Variants in PAPLN observed in about 807,000 individuals in gnomAD.
The protein encoded by PAPLN is papilin, proteoglycan like sulfated glycoprotein.
In PAPLN, 146 loss-of-function variants were observed where a neutral mutation model predicts 159.0. That is an observed-to-expected ratio of 0.92 (90% CI 0.80 to 1.05). The LOEUF (loss-of-function observed/expected upper bound fraction) is 1.05, where lower values mean the gene tolerates loss of function less well. PAPLN is among the 50% of genes least tolerant of loss of function. The pLI is 0.00. For synonymous variants in PAPLN, 734 were observed against 702.9 expected, an observed-to-expected ratio of 1.04 and a Z score of -0.70; for missense variants, 1,720 against 1,743.9, an observed-to-expected ratio of 0.99 and a Z score of 0.24.
At chr14:73,260,973 C>T (rs775601653) in intron 17 of PAPLN, 144 bp downstream of exon 17, 10 of 1,400,630 alleles carry the variant, frequency 7.1e-6, no homozygotes, top group Admixed American at 2.6e-5. Context: ...CTCTGGAGGG[C>T]ACCGGGCTTC....
chr14:73,272,719 AG>A lies in PAPLN; in HGVS notation c.*57del. On this transcript the variant is annotated 3_prime_UTR_variant, in exon 27 of 27. Transcript: ENST00000644200. Reference sequence around the variant, plus strand: ...AAATAGTTCATAGGGCTAGGGAGAAAGGAAGATGGACTCTTGGCTTCCTCTC... The same window carrying A: ...AAATAGTTCATAGGGCTAGGGAGAAAGAAGATGGACTCTTGGCTTCCTCTC... The A allele has an allele frequency of 7.0e-7, 1 of 1,424,188 alleles. No individual in the cohort carries two copies. Among genetic ancestry groups the A allele is most frequent in the Non-Finnish European group, 9.3e-7 (1 of 1,072,092 alleles). 88.2% of individuals were successfully genotyped at this position (1,424,188 alleles called of 1,614,324 possible). A position where few individuals can be genotyped will look rare whatever the true frequency, so the allele number is the denominator to read the frequency against.
At chr14:73,241,855 G>GTC (rs894434285) in intron 2 of PAPLN, among the ~76,000 whole-genome samples, 3 of 152,208 alleles carry the variant, frequency 2.0e-5, no homozygotes, top group African/African-American at 7.2e-5. Flanking sequence ...CATGTGTTCT[G>GTC]TCTCTCTCTT....
chr14:73,256,017 T>TG (rs1047276522), intron 14 of PAPLN, among the ~76,000 whole-genome samples: 2 of 151,486 alleles, frequency 1.3e-5, no homozygotes, highest in African/African-American at 4.9e-5. Context: ...AAGCAGAGGG[T>TG]GGAAGGGGTG....
chr14:73,250,170 G>T (rs977156290), intron 6 of PAPLN, 56 bp downstream of exon 6: 6 of 1,512,876 alleles, frequency 4.0e-6, no homozygotes, highest in Non-Finnish European at 4.4e-6. Context: ...CTCAGTGCGG[G>T]TGTTTCCCTG....
chr14:73,245,566 C>T lies in PAPLN; in HGVS notation c.171-70C>T. 4 of 1,503,888 alleles carry T rather than the reference C, an allele frequency of 2.7e-6. No individual in the cohort carries two copies. In the East Asian group the frequency reaches 9.9e-5, roughly 37 times the overall value. The allele number at this position is 1,503,888 out of a possible 1,614,324, so 93.2% of individuals were successfully genotyped here. A position where few individuals can be genotyped will look rare whatever the true frequency, so the allele number is the denominator to read the frequency against. On this transcript the variant is annotated intron_variant, in intron 3 of 26. Transcript: ENST00000644200. The surrounding 1 kb of genome is among the most constrained non-coding windows in gnomAD (Gnocchi z 4.2). ...AGAGTCCCGCAGAAGTTGGGGCCTG[C>T]AGAGAGCCCCAGAACGGGGGCAGGG...
chr14:73,244,822 G>A, intron 3 of PAPLN, 63 bp downstream of exon 3: 1 of 1,346,016 alleles, frequency 7.4e-7, no homozygotes, highest in Non-Finnish European at 1.0e-6. Context: ...CCTTCTGGGT[G>A]GTGGGCTAGG....
rs1313349237 is a variant in PAPLN, at chr14:73,259,411, C to T, written c.1851C>T (p.Tyr617=). The change falls in exon 16 of 27, where the codon TAC becomes TAT. Residue 617 remains tyrosine, a synonymous_variant. Transcript: ENST00000644200. ...GPAPSLQQPP[Y]QQPLRSGSGP... is the part of the protein sequence containing the mutation. The stretch of plus-strand genomic sequence containing the variant: ...CTCCCTCTCTGCAGCAGCCCCCATA[C>T]CAGCAACCCCTGCGGTCGGGCTCAG... The T allele has an allele frequency of 1.1e-5, 17 of 1,613,074 alleles. No homozygotes were observed. The highest frequency in any genetic ancestry group is 2.7e-5 in the African/African-American group (2 of 74,910).
chr14:73,251,711 A>G lies in PAPLN; in HGVS notation c.718A>G (p.Ile240Val), dbSNP rs1339508085. 2 of 1,613,330 alleles carry G rather than the reference A, an allele frequency of 1.2e-6. No individual in the cohort carries two copies. The highest frequency in any genetic ancestry group is 1.3e-5 in the African/African-American group (1 of 75,026). The change falls in exon 9 of 27, where the codon ATC becomes GTC. Residue 240 changes from isoleucine to valine, a missense_variant. Physicochemically the swap from Ile to Val is conservative, Grantham distance 29 (BLOSUM62 3). Transcript: ENST00000644200. Reference sequence around the variant, plus strand: ...ATACTACCTCAATGGGCACTGGACCATCGAGGCGGCCCGGGCCCTGCCAGC... The same window carrying G: ...ATACTACCTCAATGGGCACTGGACCGTCGAGGCGGCCCGGGCCCTGCCAGC... ...GEYYLNGHWTIEAARALPAAS... is the reference protein window; with the variant it reads ...GEYYLNGHWTVEAARALPAAS...
At position 73,251,814 on chromosome 14, in the gene PAPLN, C is replaced by A; in HGVS notation, c.821C>A (p.Thr274Asn). ...APERLHARGP[T>N]SEPLVIELIS... is the part of the protein sequence containing the mutation. ...GAGCGACTCCATGCCCGGGGCCCCA[C>A]CTCGGAGCCCCTGGTCATCGAGGTA... The change falls in exon 9 of 27, where the codon ACC (threonine) becomes AAC (asparagine). Residue 274 changes from threonine (T) to asparagine (N), a missense_variant. Physicochemically the swap from Thr to Asn is moderately conservative, Grantham distance 65 (BLOSUM62 0). Coordinates refer to ENST00000644200, the MANE Select transcript of PAPLN (RefSeq NM_001365906.3). 6.3e-7 allele frequency: 1 copy of A among 1,596,878 alleles called. No individual in the cohort carries two copies. The highest frequency in any genetic ancestry group is 1.1e-5 in the South Asian group (1 of 89,282).
At chr14:73,260,154 C>G (rs1208278051) in intron 16 of PAPLN, among the ~76,000 whole-genome samples, 2 of 152,204 alleles carry the variant, frequency 1.3e-5, no homozygotes, top group East Asian at 3.9e-4. Context: ...CTTAACCTCT[C>G]TGATTTTGGG....
intron 5 of PAPLN, among the ~76,000 whole-genome samples, chr14:73,248,106 T>TGTGTGC (rs139626596): frequency 0.024 from 1,922 of 78,490 alleles, 159 homozygotes; most frequent in South Asian, 0.056. Flanking sequence ...TGTGTGTGTG[T>TGTGTGC]GCGCGTGTGT....
intron 5 of PAPLN, among the ~76,000 whole-genome samples, chr14:73,247,735 C>CGT (rs141324043): frequency 0.11 from 7,950 of 71,368 alleles, 504 homozygotes; most frequent in Non-Finnish European, 0.16. Flanking sequence ...GTCCTCTGTG[C>CGT]GTGTGTGTGT....
chr14:73,258,447 G>C (rs914073576), intron 14 of PAPLN, among the ~76,000 whole-genome samples: 2 of 151,798 alleles, frequency 1.3e-5, no homozygotes, highest in Non-Finnish European at 2.9e-5. Context: ...ATCATAACAC[G>C]TGCACATTTT....
rs376998689 is a variant in PAPLN at position 73,252,069 on chromosome 14, C to A, written c.895C>A (p.Leu299Met). The A allele has an allele frequency of 2.2e-5, 36 of 1,611,960 alleles. No homozygotes were observed. Among genetic ancestry groups the A allele is most frequent in the Admixed American group, 3.3e-5 (2 of 59,872 alleles). ...PGVHYEYHLPLRRPSPGFSWS... is the reference protein window; with the variant it reads ...PGVHYEYHLPMRRPSPGFSWS... ...TGTGCACTATGAGTACCACCTGCCC[C>A]TGCGCCGCCCCAGCCCCGGCTTCAG... The change falls in exon 10 of 27, where the codon CTG (leucine) becomes ATG (methionine). Residue 299 changes from leucine (L) to methionine (M), a missense_variant. Physicochemically the swap from Leu to Met is conservative, Grantham distance 15. Coordinates refer to ENST00000644200, the MANE Select transcript of PAPLN (RefSeq NM_001365906.3).
rs562890068 is a variant in PAPLN, at chr14:73,257,753, C to CTTTTTTTTTTTTT, written c.1628-1210_1628-1198dup. ...GTTTTCATTATCTAGTCTCTTTCTT[C>CTTTTTTTTTTTTT]TTTTTTTTTTTTTTTTTTTTTTTTT... On this transcript the variant is annotated intron_variant, in intron 14 of 26. Coordinates refer to ENST00000644200, the MANE Select transcript of PAPLN (RefSeq NM_001365906.3). Among the ~76,000 whole-genome samples the CTTTTTTTTTTTTT allele has an allele frequency of 1.2e-3, 112 of 91,244 alleles. 10 individuals carry two copies. The East Asian group carries it at 0.017, about 14-fold the overall frequency. The allele number at this position is 91,244 out of a possible 152,430, so 59.9% of individuals were successfully genotyped here.
At chr14:73,258,623 A>AAAAAAAG in intron 14 of PAPLN, among the ~76,000 whole-genome samples, 1 of 148,942 alleles carries the variant, frequency 6.7e-6, no homozygotes, top group East Asian at 2.0e-4. Flanking sequence ...ATCTCTAAAA[A>AAAAAAAG]AAAAAAAAAA....
chr14:73,267,491 A>T (rs2140307457), intron 25 of PAPLN, among the ~76,000 whole-genome samples: 1 of 152,304 alleles, frequency 6.6e-6, no homozygotes, highest in South Asian at 2.1e-4. Context: ...CTGTGCACAG[A>T]GGAGTGTCAA....
intron 16 of PAPLN, among the ~76,000 whole-genome samples, 166 bp from the exon 17 acceptor site, chr14:73,260,543 A>T (rs1886444341): frequency 1.3e-5 from 2 of 151,810 alleles, no homozygotes; most frequent in Admixed American, 1.3e-4. Context: ...TTAGGCAGAG[A>T]TTGCGGCACA....
intron 2 of PAPLN, 104 bp downstream of exon 2, chr14:73,239,936 G>C: frequency 6.9e-7 from 1 of 1,454,300 alleles, no homozygotes; most frequent in Non-Finnish European, 9.0e-7. Context: ...GCGATGTCAG[G>C]GAAGCTGGGC....
Sources: allele counts gnomAD v4.1 joint callset (sites outside exome capture counted in the v4.1 genomes callset), GRCh38; gene constraint gnomAD v4.1.1; non-coding constraint Gnocchi (gnomAD v3.1); transcripts MANE v1.5; gene names NCBI Gene and HGNC (gene_info 2026-07-23, HGNC 2026-07-21).